The following PTPRD variants were observed in gnomAD, a reference collection of about 807,000 sequenced individuals.
The protein encoded by PTPRD is receptor-type tyrosine-protein phosphatase delta.
PTPRD carries 34 observed loss-of-function variants against 214.5 expected under a neutral mutation model. That is an observed-to-expected ratio of 0.16 (90% confidence interval 0.12 to 0.21). The LOEUF (loss-of-function observed/expected upper bound fraction) is 0.21, where lower values mean the gene tolerates loss of function less well. Among genes scored for constraint, PTPRD ranks in the 10% least tolerant of loss-of-function variants. The pLI is 1.00. For synonymous variants in PTPRD, 1,128 were observed against 845.7 expected, an observed-to-expected ratio of 1.33 and a Z score of -5.79; for missense variants, 2,545 against 2,398.7, an observed-to-expected ratio of 1.06 and a Z score of -1.27.
chr9:9,353,984 T>C (rs2052573398), intron 9 of PTPRD, among the ~76,000 whole-genome samples: 2 of 148,484 alleles, frequency 1.3e-5, no homozygotes, highest in South Asian at 4.2e-4. Context: ...CTGCGGTCAC[T>C]CTTTCTTTCT....
At chr9:8,542,407 G>C (rs1272478627) in intron 14 of PTPRD, among the ~76,000 whole-genome samples, 2 of 152,192 alleles carry the variant, frequency 1.3e-5, no homozygotes, top group Admixed American at 1.3e-4. Flanking sequence ...GATGTAAGGA[G>C]ATAGGGAGAA....
intron 10 of PTPRD, among the ~76,000 whole-genome samples, chr9:9,032,557 T>C (rs1271442256): frequency 6.6e-6 from 1 of 152,020 alleles, no homozygotes; most frequent in Non-Finnish European, 1.5e-5. Context: ...GCAGGCAATG[T>C]TCTGTACCTG....
chr9:9,930,863 C>G (rs905798365), intron 5 of PTPRD, among the ~76,000 whole-genome samples: 6 of 151,920 alleles, frequency 3.9e-5, no homozygotes, highest in Non-Finnish European at 4.4e-5. Flanking sequence ...TATGGTTACC[C>G]TTGAAGTCCC....
intron 9 of PTPRD, among the ~76,000 whole-genome samples, chr9:9,338,988 G>T (rs1403560004): frequency 6.6e-6 from 1 of 152,220 alleles, no homozygotes; most frequent in South Asian, 2.1e-4. Flanking sequence ...CTACTTTAAG[G>T]ATGACATATT....
chr9:10,478,178 C>A (rs960278987), intron 2 of PTPRD, among the ~76,000 whole-genome samples: 1 of 151,962 alleles, frequency 6.6e-6, no homozygotes, highest in African/African-American at 2.4e-5. Context: ...AGAATACCAC[C>A]CGAATTCACA....
intron 3 of PTPRD, among the ~76,000 whole-genome samples, chr9:10,200,331 G>C (rs998809144): frequency 1.3e-5 from 2 of 151,982 alleles, no homozygotes; most frequent in African/African-American, 4.8e-5. Flanking sequence ...TTTCCACCCA[G>C]GGCAAATTTG....
chr9:8,550,810 G>A (rs1259528276), intron 14 of PTPRD, among the ~76,000 whole-genome samples: 3 of 152,184 alleles, frequency 2.0e-5, no homozygotes, highest in Non-Finnish European at 4.4e-5. Context: ...GGCAGATCCA[G>A]TGTTCAATCT....
chr9:10,473,348 A>G (rs910180207), intron 2 of PTPRD, among the ~76,000 whole-genome samples: 9 of 152,136 alleles, frequency 5.9e-5, no homozygotes, highest in African/African-American at 1.7e-4. Context: ...GTGTAGTTGG[A>G]AAGCCACCAT....
intron 5 of PTPRD, among the ~76,000 whole-genome samples, chr9:9,915,929 G>A (rs961456309): frequency 1.3e-5 from 2 of 151,926 alleles, no homozygotes; most frequent in African/African-American, 4.8e-5. Flanking sequence ...TAGTCAAGTT[G>A]AAGAAAATCA....
At chr9:9,042,614 CTTTTCTTTTT>C (rs745912829) in intron 10 of PTPRD, among the ~76,000 whole-genome samples, 2 of 112,476 alleles carry the variant, frequency 1.8e-5, no homozygotes, top group Admixed American at 9.0e-5. Context: ...TCTTTTTTTT[CTTTTCTTTTT>C]TTTTTTTTTT....
intron 26 of PTPRD, among the ~76,000 whole-genome samples, chr9:8,494,435 T>C (rs1183921849): frequency 6.6e-6 from 1 of 152,166 alleles, no homozygotes; most frequent in Non-Finnish European, 1.5e-5. Flanking sequence ...TTCCAGAGGA[T>C]AGAAAAACCA....
At chr9:8,635,630 TC>T (rs2154325432) in intron 13 of PTPRD, among the ~76,000 whole-genome samples, 1 of 152,242 alleles carries the variant, frequency 6.6e-6, no homozygotes, top group South Asian at 2.1e-4. Context: ...ATAAAATTGT[TC>T]TGAATTTGTA....
intron 5 of PTPRD, among the ~76,000 whole-genome samples, chr9:9,933,101 T>C (rs10978105): frequency 0.13 from 15,356 of 116,698 alleles, 259 homozygotes; most frequent in Middle Eastern, 0.26. Flanking sequence ...AAGGAACAAC[T>C]GGTACCAGCC....
chr9:8,513,459 T>A (rs2097721688), intron 21 of PTPRD, among the ~76,000 whole-genome samples: 1 of 152,088 alleles, frequency 6.6e-6, no homozygotes, highest in African/African-American at 2.4e-5. Flanking sequence ...AAAACAGGAA[T>A]GTGAATGTCA....
intron 8 of PTPRD, among the ~76,000 whole-genome samples, chr9:9,557,162 T>A (rs2081736347): frequency 6.6e-6 from 1 of 152,204 alleles, no homozygotes; most frequent in Admixed American, 6.5e-5. Context: ...TTGACTTGTA[T>A]GTACCCTCCT....
At chr9:9,154,881 G>A (rs7859246) in intron 10 of PTPRD, among the ~76,000 whole-genome samples, 47,543 of 151,978 alleles carry the variant, frequency 0.31, 7,702 homozygotes, top group Middle Eastern at 0.37. Context: ...AATATTATTA[G>A]GTAGAATTTT....
intron 8 of PTPRD, among the ~76,000 whole-genome samples, chr9:9,415,231 T>G (rs2076643528): frequency 6.6e-6 from 1 of 152,098 alleles, no homozygotes; most frequent in Non-Finnish European, 1.5e-5. Flanking sequence ...ATCCCAGCAC[T>G]TTGGGAGACG....
At chr9:9,739,399 A>G (rs1474897732) in intron 6 of PTPRD, among the ~76,000 whole-genome samples, 1 of 152,212 alleles carries the variant, frequency 6.6e-6, no homozygotes, top group African/African-American at 2.4e-5. Flanking sequence ...AAATAGTTAC[A>G]TAATTACTTA....
intron 3 of PTPRD, among the ~76,000 whole-genome samples, chr9:10,034,224 A>G (rs777826370): frequency 4.6e-5 from 7 of 152,054 alleles, no homozygotes; most frequent in Non-Finnish European, 8.8e-5. Context: ...CACTTTTTTA[A>G]TGCCAAACAA....
Sources: allele counts gnomAD v4.1 joint callset (sites outside exome capture counted in the v4.1 genomes callset), GRCh38; gene constraint gnomAD v4.1.1; transcripts MANE v1.5; gene names NCBI Gene and HGNC (gene_info 2026-07-23, HGNC 2026-07-21).